Variants in NXPE1 observed in about 807,000 individuals in gnomAD.
NXPE1 encodes NXPE family member 1.
NXPE1 carries 31 observed loss-of-function variants against 33.3 expected under a neutral mutation model. That is an observed-to-expected ratio of 0.93 (90% confidence interval 0.70 to 1.26). NXPE1 has a LOEUF of 1.26. NXPE1 is among the 50% of genes most tolerant of loss of function. The probability of loss-of-function intolerance (pLI) is 0.00; values close to 1 mark genes in which losing one functional copy is unlikely to be tolerated. For missense variants in NXPE1, 661 were observed against 655.6 expected, an observed-to-expected ratio of 1.01 and a Z score of -0.09; for synonymous variants, 229 against 231.4, an observed-to-expected ratio of 0.99 and a Z score of 0.09.
chr11:114,530,480 G>A, exon 6 of NXPE1: 1 of 1,614,232 alleles, frequency 6.2e-7, no homozygotes, highest in Non-Finnish European at 8.5e-7. Context: ...GAGACAGGGA[G>A]ACCTGGCCCT....
At chr11:114,537,602 T>C (rs1947883452) in intron 5 of NXPE1, among the ~76,000 whole-genome samples, 1 of 152,170 alleles carries the variant, frequency 6.6e-6, no homozygotes, top group African/African-American at 2.4e-5. Flanking sequence ...ACAAAATCAA[T>C]GTGCAAAAAT....
At chr11:114,554,399 T>C in intron 1 of NXPE1, 1 of 985,054 alleles carries the variant, frequency 1.0e-6, no homozygotes, top group Non-Finnish European at 1.2e-6. Context: ...GATGACAATA[T>C]TCCAGAACAG....
At chr11:114,518,964 C>T (rs1947143579), downstream of NXPE1, among the ~76,000 whole-genome samples, 1 of 152,092 alleles carries the variant, frequency 6.6e-6, no homozygotes, top group South Asian at 2.1e-4. Flanking sequence ...ATCAACAAAC[C>T]ACTTTTATTA....
Position 114,554,164 on chromosome 11 carries a change from G to A in NXPE1, c.-210-1284C>T, listed in dbSNP as rs973123606. 1.8e-5 allele frequency: 18 copies of A among 985,160 alleles called. No individual in the cohort carries two copies. The African/African-American group carries it at 2.4e-4, about 13-fold the overall frequency. 61.0% of individuals were successfully genotyped at this position (985,160 alleles called of 1,614,324 possible). Reference sequence around the variant, plus strand: ...AGGATTGAATCAATGTACAGAGCCCGCTAGTTGTCTCTTTCATCAGCTGTA... The same window carrying A: ...AGGATTGAATCAATGTACAGAGCCCACTAGTTGTCTCTTTCATCAGCTGTA... On this transcript the variant is annotated intron_variant, in intron 1 of 8. Transcript: ENST00000534921.
chr11:114,535,777 T>C (rs2135004246), intron 5 of NXPE1, among the ~76,000 whole-genome samples: 1 of 152,298 alleles, frequency 6.6e-6, no homozygotes, highest in Middle Eastern at 3.4e-3. Context: ...CCTAGATTCA[T>C]AAAGCAAGTC....
At chr11:114,542,092 A>T (rs1948118401) in intron 5 of NXPE1, among the ~76,000 whole-genome samples, 1 of 152,186 alleles carries the variant, frequency 6.6e-6, no homozygotes, top group South Asian at 2.1e-4. Context: ...TGCTAGGGTC[A>T]TTCACATTTA....
Position 114,530,492 on chromosome 11 carries a change from C to T in NXPE1, c.516G>A (p.Trp172Ter). The change falls in exon 6 of 9, where the codon TGG becomes TGA. Residue 172 changes from tryptophan to a stop codon, truncating the protein, a stop_gained. Coordinates refer to ENST00000534921, the Ensembl canonical transcript of NXPE1. LOFTEE classifies it high-confidence loss of function. ...GCAGAGACAGGGAGACCTGGCCCTC[C>T]CAGAACAGAGTGAAGCTGACCAGGT... 1 of 1,613,930 alleles carries T rather than the reference C, an allele frequency of 6.2e-7. No homozygotes were observed. Among genetic ancestry groups the T allele is most frequent in the South Asian group, 1.1e-5 (1 of 91,044 alleles).
chr11:114,528,013 G>C, intron 6 of NXPE1, 112 bp from the exon 7 acceptor site: 3 of 662,086 alleles, frequency 4.5e-6, no homozygotes, highest in Non-Finnish European at 7.5e-6. Flanking sequence ...ACTGGAAGCT[G>C]TTATTATTGT....
At chr11:114,554,005 G>GT (rs1346979907) in intron 1 of NXPE1, 26 of 985,300 alleles carry the variant, frequency 2.6e-5, no homozygotes, top group Non-Finnish European at 3.1e-5. Flanking sequence ...CAATTGCAAT[G>GT]TTTTTTCTTC....
At chr11:114,537,388 T>C (rs1947873843) in intron 5 of NXPE1, among the ~76,000 whole-genome samples, 1 of 152,184 alleles carries the variant, frequency 6.6e-6, no homozygotes, top group Admixed American at 6.5e-5. Context: ...GGATGCCCTC[T>C]ATCAACACTC....
chr11:114,528,872 G>T (rs748860439), intron 6 of NXPE1: 15 of 636,398 alleles, frequency 2.4e-5, no homozygotes, highest in African/African-American at 3.6e-5. Context: ...ATCCTTACTA[G>T]GATTTAGGCA....
intron 5 of NXPE1, among the ~76,000 whole-genome samples, chr11:114,547,507 G>A (rs1469862633): frequency 6.6e-6 from 1 of 152,224 alleles, no homozygotes; most frequent in Non-Finnish European, 1.5e-5. Context: ...GGCTGAGGCA[G>A]GTTGATCACT....
At chr11:114,522,839 C>G (rs747427383) in intron 8 of NXPE1, 40 bp downstream of exon 8, 42 of 1,465,626 alleles carry the variant, frequency 2.9e-5, no homozygotes, top group Non-Finnish European at 3.5e-5. Flanking sequence ...TACTTTAAAA[C>G]CAGCCTGAAT....
intron 6 of NXPE1, among the ~76,000 whole-genome samples, 183 bp from the exon 7 acceptor site, chr11:114,528,084 C>A (rs1947435179): frequency 6.6e-6 from 1 of 152,126 alleles, no homozygotes; most frequent in African/African-American, 2.4e-5. Flanking sequence ...ACTTTCTACC[C>A]TGCTGAGAGC....
chr11:114,548,763 G>A (rs1486336830), intron 5 of NXPE1, among the ~76,000 whole-genome samples: 1 of 151,328 alleles, frequency 6.6e-6, no homozygotes, highest in Non-Finnish European at 1.5e-5. Flanking sequence ...GGAAAACAGA[G>A]TAAATCAAAA....
rs531610451 is a variant in NXPE1, at chr11:114,534,287, A to G, written c.100-3379T>C. On this transcript the variant is annotated intron_variant, in intron 5 of 8. Transcript: ENST00000534921. ...ATCCACACCCAAAACCCATCTGTAC[A>G]TAACCATCATCAAAGACCAAAGGTA... Among the ~76,000 whole-genome samples the G allele has an allele frequency of 2.6e-5, 4 of 152,340 alleles. No homozygotes were observed. The South Asian group carries it at 8.3e-4, about 32-fold the overall frequency.
chr11:114,529,150 G>T (rs1947478484), intron 6 of NXPE1: 1 of 230,962 alleles, frequency 4.3e-6, no homozygotes, highest in Non-Finnish European at 8.3e-6. Flanking sequence ...GGATTTCTGT[G>T]AACCTAGCAT....
intron 5 of NXPE1, among the ~76,000 whole-genome samples, chr11:114,548,213 A>G (rs1444603261): frequency 1.3e-5 from 2 of 152,170 alleles, no homozygotes; most frequent in African/African-American, 2.4e-5. Context: ...AAGAATACTT[A>G]GAGAAATTCA....
chr11:114,530,208 T>G, exon 6 of NXPE1: 1 of 1,611,994 alleles, frequency 6.2e-7, no homozygotes, highest in Non-Finnish European at 8.5e-7. Flanking sequence ...GTCTGTAAGA[T>G]AAGATACCTC....
Sources: allele counts gnomAD v4.1 joint callset (sites outside exome capture counted in the v4.1 genomes callset), GRCh38; gene constraint gnomAD v4.1.1; transcripts MANE v1.5; gene names NCBI Gene and HGNC (gene_info 2026-07-23, HGNC 2026-07-21).